TLE1: variants seen among roughly 807,000 people sequenced by gnomAD.
The protein encoded by TLE1 is transducin-like enhancer protein 1.
Under a neutral mutation model 89.8 loss-of-function variants are expected in TLE1, and 21 were observed. That is an observed-to-expected ratio of 0.23 (90% CI 0.17 to 0.34). The LOEUF is 0.34. TLE1 is among the 10% of genes least tolerant of loss of function. TLE1 has a pLI of 1.00. For synonymous variants in TLE1, 447 were observed against 407.6 expected, an observed-to-expected ratio of 1.10 and a Z score of -1.16; for missense variants, 795 against 1,031.2, an observed-to-expected ratio of 0.77 and a Z score of 3.14.
At chr9:81,604,372 G>A (rs1831361044) in intron 14 of TLE1, among the ~76,000 whole-genome samples, 1 of 152,154 alleles carries the variant, frequency 6.6e-6, no homozygotes, top group South Asian at 2.1e-4. Context: ...CACAAGAGAG[G>A]GCTGAAGCGA....
intron 1 of TLE1, 64 bp from the exon 2 acceptor site, chr9:81,687,498 T>G (rs1318144913): frequency 7.8e-7 from 1 of 1,277,656 alleles, no homozygotes; most frequent in Non-Finnish European, 1.1e-6. Flanking sequence ...AAGCAGTAAG[T>G]CAGAGAAGGC....
intron 7 of TLE1, 80 bp downstream of exon 7, chr9:81,634,017 C>T (rs1192372932): frequency 6.9e-7 from 1 of 1,444,946 alleles, no homozygotes; most frequent in Non-Finnish European, 9.3e-7. Context: ...GGTTGGGGCT[C>T]TCTTTAGCGA....
chr9:81,633,301 G>A (rs752532004), intron 8 of TLE1, 47 bp downstream of exon 8: 46 of 776,620 alleles, frequency 5.9e-5, no homozygotes, highest in Admixed American at 2.3e-4. Context: ...GTGTGTGTGT[G>A]TGTGTGTGTG....
In TLE1 at chr9:81,583,705, T is replaced by C. The variant is rs1214177996; in HGVS notation, c.*493A>G. 1.9e-5 allele frequency: 3 copies of C among 155,442 alleles called. No homozygotes were observed. Among genetic ancestry groups the C allele is most frequent in the Non-Finnish European group, 2.9e-5 (2 of 69,638 alleles). The allele number at this position is 155,442 out of a possible 1,614,324, so 9.6% of individuals were successfully genotyped here. A position where few individuals can be genotyped will look rare whatever the true frequency, so the allele number is the denominator to read the frequency against. The stretch of plus-strand genomic sequence containing the variant: ...CACTTATTGGTACTAAAGCCTTTAC[T>C]GTAATAAACCAAATATATTTACAAT... On this transcript the variant is annotated 3_prime_UTR_variant, in exon 20 of 20. Coordinates refer to ENST00000376499, the MANE Select transcript of TLE1 (RefSeq NM_005077.5).
chr9:81,592,224 G>A (rs1003011828), intron 15 of TLE1, among the ~76,000 whole-genome samples: 12 of 152,318 alleles, frequency 7.9e-5, no homozygotes, highest in African/African-American at 2.6e-4. Flanking sequence ...CGGGCGTGGT[G>A]GTGGGCGCCC....
At chr9:81,636,369 G>C (rs1827360255) in intron 6 of TLE1, among the ~76,000 whole-genome samples, 1 of 147,662 alleles carries the variant, frequency 6.8e-6, no homozygotes, top group South Asian at 2.1e-4. Context: ...AATGTGCTTG[G>C]AGAAGGATGA....
At chr9:81,587,914 G>GTGTGTGTGTCATCCCGCC (rs1564104234) in intron 16 of TLE1, 86 bp from the exon 17 acceptor site, 20 of 868,804 alleles carry the variant, frequency 2.3e-5, no homozygotes, top group African/African-American at 3.6e-5. Context: ...GACCGTGTGT[G>GTGTGTGTGTCATCCCGCC]TGTGTGTGTG....
chr9:81,674,044 C>T (rs903253563), intron 4 of TLE1, among the ~76,000 whole-genome samples: 2 of 152,268 alleles, frequency 1.3e-5, no homozygotes, highest in South Asian at 4.1e-4. Flanking sequence ...AGAGGCCTTT[C>T]AAATGGCACA....
chr9:81,685,551 A>T, intron 4 of TLE1, 125 bp downstream of exon 4: 1 of 908,066 alleles, frequency 1.1e-6, no homozygotes, highest in Non-Finnish European at 1.7e-6. Flanking sequence ...ACAGGACAGG[A>T]AACCAAGGCA....
chr9:81,646,484 C>A (rs1033449503), intron 6 of TLE1, among the ~76,000 whole-genome samples: 6 of 152,086 alleles, frequency 3.9e-5, no homozygotes, highest in Non-Finnish European at 7.3e-5. Flanking sequence ...GCATTATTCT[C>A]CTAGGGAGAA....
intron 4 of TLE1, among the ~76,000 whole-genome samples, chr9:81,681,587 G>C (rs1351025253): frequency 6.6e-6 from 1 of 151,406 alleles, no homozygotes. Context: ...TCACCATCCT[G>C]GAGAGCCCAG....
At position 81,596,094 on chromosome 9, in the gene TLE1, T is replaced by G. The variant is rs142424344; in HGVS notation, c.1332-2820A>C. Among the ~76,000 whole-genome samples the G allele has an allele frequency of 5.9e-5, 9 of 152,226 alleles. No individual in the cohort carries two copies. The East Asian group carries it at 1.7e-3, about 29-fold the overall frequency. ...ACTGGAAGCCTGCTTATCATAGAGT[T>G]AAATGTTCCAGATTAAATAGATGCA... is the stretch of plus-strand genomic sequence containing the variant. On this transcript the variant is annotated intron_variant, in intron 14 of 19. Transcript: ENST00000376499.
intron 8 of TLE1, among the ~76,000 whole-genome samples, chr9:81,628,835 G>C (rs1283591187): frequency 2.6e-5 from 4 of 152,154 alleles, no homozygotes; most frequent in Non-Finnish European, 5.9e-5. Flanking sequence ...CTGAAAGACA[G>C]ATGAGTGGTG....
intron 8 of TLE1, among the ~76,000 whole-genome samples, chr9:81,624,628 G>A (rs1825688944): frequency 6.6e-6 from 1 of 152,096 alleles, no homozygotes; most frequent in Non-Finnish European, 1.5e-5. Context: ...TTCCAGCCAA[G>A]AAACCCAAAG....
chr9:81,641,795 G>A (rs958708942), intron 6 of TLE1, among the ~76,000 whole-genome samples: 1 of 152,218 alleles, frequency 6.6e-6, no homozygotes, highest in African/African-American at 2.4e-5. Flanking sequence ...GGCCGAGGTG[G>A]ACGGATCACC....
chr9:81,630,110 G>A (rs1246605474), intron 8 of TLE1, among the ~76,000 whole-genome samples: 1 of 151,174 alleles, frequency 6.6e-6, no homozygotes, highest in Admixed American at 6.6e-5. Context: ...TAAATAATAT[G>A]TTCAATATAG....
intron 8 of TLE1, among the ~76,000 whole-genome samples, chr9:81,630,580 C>A (rs1325851938): frequency 1.3e-5 from 2 of 152,092 alleles, no homozygotes; most frequent in Non-Finnish European, 2.9e-5. Context: ...CTTCAGGGCC[C>A]TCAATAATTT....
intron 14 of TLE1, among the ~76,000 whole-genome samples, chr9:81,595,837 A>G (rs1180109999): frequency 6.6e-6 from 1 of 151,966 alleles, no homozygotes; most frequent in African/African-American, 2.4e-5. Context: ...AAAAAAATTA[A>G]AAAATAAAAG....
rs1280537049 is a variant in TLE1, at chr9:81,593,175, C to G, written c.1431G>C (p.Gln477His). 6.2e-7 allele frequency: 1 copy of G among 1,614,164 alleles called. No homozygotes were observed. Among genetic ancestry groups the G allele is most frequent in the African/African-American group, 1.3e-5 (1 of 75,040 alleles). ...IGPGIPRHAR[Q>H]INTLNHGEVV... ...CCTCCCCGTGGTTGAGGGTGTTGAT[C>G]TGGCGAGCATGCCGGGGGATTCCGG... The change falls in exon 15 of 20, where the codon CAG becomes CAC. Residue 477 changes from glutamine to histidine, a missense_variant. Around this residue, in one of 4 missense-constraint regions of TLE1, gnomAD observed 468 missense variants for 509.1 expected, o/e 0.92. Coordinates refer to ENST00000376499, the MANE Select transcript of TLE1 (RefSeq NM_005077.5).
Sources: allele counts gnomAD v4.1 joint callset (sites outside exome capture counted in the v4.1 genomes callset), GRCh38; gene constraint gnomAD v4.1.1; regional missense constraint gnomAD v4.1.1; transcripts MANE v1.5; gene names NCBI Gene and HGNC (gene_info 2026-07-23, HGNC 2026-07-21).